NTPCR: variants seen among roughly 807,000 people sequenced by gnomAD.
The protein encoded by NTPCR is cancer-related nucleoside-triphosphatase.
A neutral mutation model predicts 19.5 loss-of-function variants in NTPCR; 15 were observed. The ratio of observed to expected loss-of-function variants is 0.77; its 90% CI spans 0.51 to 1.18. The LOEUF (loss-of-function observed/expected upper bound fraction) is 1.18, where lower values mean the gene tolerates loss of function less well. Ranked by LOEUF, NTPCR falls within the 50% of genes most tolerant of loss-of-function variation. NTPCR has a pLI of 0.00. For missense variants in NTPCR, 206 were observed against 240.4 expected (o/e 0.86, Z 0.95); for synonymous variants, 90 against 95.8 (o/e 0.94, Z 0.36).
intron 3 of NTPCR, chr1:232,964,421 T>C (rs1047309180): frequency 1.3e-5 from 2 of 152,224 alleles, no homozygotes; most frequent in African/African-American, 4.8e-5. Flanking sequence ...TATTTTTTTC[T>C]TTGACACTAA....
intron 4 of NTPCR, chr1:232,976,603 C>T: frequency 7.0e-7 from 1 of 1,430,826 alleles, no homozygotes; most frequent in Non-Finnish European, 9.2e-7. Flanking sequence ...GGAGCTGTCC[C>T]ATGAAGCCAA....
chr1:232,978,131 T>C, intron 4 of NTPCR, 32 bp from the exon 5 acceptor site: 1 of 1,576,502 alleles, frequency 6.3e-7, no homozygotes, highest in South Asian at 1.1e-5. Context: ...GGAAAGGAGC[T>C]CTGAAGCCTG....
intron 4 of NTPCR, chr1:232,976,663 T>A: frequency 1.5e-6 from 2 of 1,296,110 alleles, no homozygotes; most frequent in South Asian, 3.3e-5. Flanking sequence ...CCGCCCAGGA[T>A]TGACGCAGCC....
At chr1:232,953,136 C>T (rs1174424154) in intron 1 of NTPCR, among the ~76,000 whole-genome samples, 1 of 152,194 alleles carries the variant, frequency 6.6e-6, no homozygotes, top group Non-Finnish European at 1.5e-5. Context: ...TGACAGTGCA[C>T]CTCATGCTGG....
intron 4 of NTPCR, chr1:232,976,678 C>A: frequency 8.5e-7 from 1 of 1,181,500 alleles, no homozygotes; most frequent in African/African-American, 1.5e-5. Context: ...GCAGCCAGGA[C>A]CAGTAGAAAT....
At chr1:232,976,708 A>G in intron 4 of NTPCR, 1 of 859,496 alleles carries the variant, frequency 1.2e-6, no homozygotes, top group Non-Finnish European at 1.7e-6. Flanking sequence ...GGATTGACGC[A>G]GCCAGGACCG....
rs541564256 is a variant in NTPCR at position 232,983,872 on chromosome 1, C to T, written c.*5641C>T. On this transcript the variant is annotated 3_prime_UTR_variant, in exon 5 of 5. Transcript: ENST00000366628. ...ATGGTAACAGTAATGTATAAAGTGCCGATGATGTAACATGCAGTTGTCTTA... is the reference window on the plus strand; with the variant it reads ...ATGGTAACAGTAATGTATAAAGTGCTGATGATGTAACATGCAGTTGTCTTA... 1.9e-4 allele frequency: 30 copies of T among 154,612 alleles called. No individual in the cohort carries two copies. The South Asian group carries it at 3.9e-3, about 20-fold the overall frequency. 9.6% of individuals were successfully genotyped at this position (154,612 alleles called of 1,614,324 possible).
At chr1:232,954,369 T>C (rs1668455069) in intron 1 of NTPCR, among the ~76,000 whole-genome samples, 1 of 152,226 alleles carries the variant, frequency 6.6e-6, no homozygotes, top group Non-Finnish European at 1.5e-5. Context: ...ATATTTTATG[T>C]CAAGGAGGCT....
chr1:232,978,357 C>A lies in NTPCR; in HGVS notation c.*126C>A. On this transcript the variant is annotated 3_prime_UTR_variant, in exon 5 of 5. Transcript: ENST00000366628. ...CTTGTGGGCTTTTCTAGAGAAAACT[C>A]AACAGCTGTTTCCCATAAAATGTTT... is the stretch of plus-strand genomic sequence containing the variant. 1 of 694,240 alleles carries A rather than the reference C, an allele frequency of 1.4e-6. No individual in the cohort carries two copies. The highest frequency in any genetic ancestry group is 2.5e-6 in the Non-Finnish European group (1 of 405,370). 43.0% of individuals were successfully genotyped at this position (694,240 alleles called of 1,614,324 possible). A position where few individuals can be genotyped will look rare whatever the true frequency, so the allele number is the denominator to read the frequency against.
In NTPCR at chr1:232,981,325, A is replaced by ACGCT. The variant is rs1372236572; in HGVS notation, c.*3095_*3098dup. 5.3e-5 allele frequency: 8 copies of ACGCT among 152,168 alleles called. No homozygotes were observed. The highest frequency in any genetic ancestry group is 5.2e-4 in the Admixed American group (8 of 15,284). 9.4% of individuals were successfully genotyped at this position (152,168 alleles called of 1,614,324 possible). On this transcript the variant is annotated 3_prime_UTR_variant, in exon 5 of 5. Coordinates refer to ENST00000366628, the MANE Select transcript of NTPCR (RefSeq NM_032324.3). ...CCCTCCAGTTATCAAGGGGGTGGGA[A>ACGCT]CGCTGGTGGGCTGGAAAATGTGGAA...
chr1:232,959,999 C>A (rs770281069), intron 3 of NTPCR, among the ~76,000 whole-genome samples: 9 of 151,778 alleles, frequency 5.9e-5, no homozygotes, highest in Non-Finnish European at 1.0e-4. Flanking sequence ...TAACTTCAGG[C>A]CAGGAGTTTG....
At chr1:232,960,773 CTG>C (rs1668651266) in intron 3 of NTPCR, among the ~76,000 whole-genome samples, 1 of 152,088 alleles carries the variant, frequency 6.6e-6, no homozygotes, top group African/African-American at 2.4e-5. Flanking sequence ...GTAGGGTTGA[CTG>C]TTAATTTTTT....
At chr1:232,956,209 C>G in intron 2 of NTPCR, 138 bp from the exon 3 acceptor site, 1 of 665,884 alleles carries the variant, frequency 1.5e-6, no homozygotes, top group Admixed American at 2.3e-5. Flanking sequence ...ATCAGCTTTA[C>G]AGACCACCGC....
At chr1:232,954,217 A>G (rs1460191998) in intron 1 of NTPCR, among the ~76,000 whole-genome samples, 1 of 152,252 alleles carries the variant, frequency 6.6e-6, no homozygotes, top group African/African-American at 2.4e-5. Flanking sequence ...TTTATGTTCT[A>G]CACAGTTCTA....
Position 232,950,697 on chromosome 1 carries a change from C to G in NTPCR, c.-14C>G. 6.2e-7 allele frequency: 1 copy of G among 1,605,364 alleles called. No individual in the cohort carries two copies. Among genetic ancestry groups the G allele is most frequent in the Non-Finnish European group, 8.5e-7 (1 of 1,173,890 alleles). On this transcript the variant is annotated 5_prime_UTR_variant, in exon 1 of 5. Coordinates refer to ENST00000366628, the MANE Select transcript of NTPCR (RefSeq NM_032324.3). ...CTGCTCCCCTGACCGCAACCCCTAC[C>G]CCCGCCCACCAGTATGGCCCGGCAC...
chr1:232,954,471 CTCTT>C (rs1558125229), intron 1 of NTPCR, among the ~76,000 whole-genome samples: 1 of 152,224 alleles, frequency 6.6e-6, no homozygotes. Context: ...AGTTTTCTCT[CTCTT>C]TCCATTGTTG....
rs911801000 is a variant in NTPCR at position 232,978,378 on chromosome 1, T to C, written c.*147T>C. 17 of 622,436 alleles carry C rather than the reference T, an allele frequency of 2.7e-5. No homozygotes were observed. The highest frequency in any genetic ancestry group is 1.5e-4 in the Admixed American group (5 of 34,074). 38.6% of individuals were successfully genotyped at this position (622,436 alleles called of 1,614,324 possible). On this transcript the variant is annotated 3_prime_UTR_variant, in exon 5 of 5. Coordinates refer to ENST00000366628, the MANE Select transcript of NTPCR (RefSeq NM_032324.3). ...AACTCAACAGCTGTTTCCCATAAAA[T>C]GTTTAAAAGATCAAATTAGCCTTAA... is the stretch of plus-strand genomic sequence containing the variant.
At chr1:232,970,671 G>GC (rs1324581137) in intron 4 of NTPCR, among the ~76,000 whole-genome samples, 1 of 152,118 alleles carries the variant, frequency 6.6e-6, no homozygotes, top group Non-Finnish European at 1.5e-5. Context: ...GCCACATCTC[G>GC]CTATTTATGT....
Position 232,983,765 on chromosome 1 carries a change from G to T in NTPCR, c.*5534G>T, listed in dbSNP as rs1169030764. ...GCTGCATAAATATTATAAAGAAATA[G>T]GGTTTTCTTGACACTTAGATTTAAC... On this transcript the variant is annotated 3_prime_UTR_variant, in exon 5 of 5. Coordinates refer to ENST00000366628, the MANE Select transcript of NTPCR (RefSeq NM_032324.3). The T allele has an allele frequency of 6.6e-6, 1 of 152,212 alleles. No homozygotes were observed. Among genetic ancestry groups the T allele is most frequent in the Non-Finnish European group, 1.5e-5 (1 of 68,034 alleles). The allele number at this position is 152,212 out of a possible 1,614,324, so 9.4% of individuals were successfully genotyped here.
Sources: allele counts gnomAD v4.1 joint callset (sites outside exome capture counted in the v4.1 genomes callset), GRCh38; gene constraint gnomAD v4.1.1; transcripts MANE v1.5; gene names NCBI Gene and HGNC (gene_info 2026-07-23, HGNC 2026-07-21).